NUP37: variants seen among roughly 807,000 people sequenced by gnomAD.
NUP37 encodes nucleoporin 37.
A neutral mutation model predicts 45.4 loss-of-function variants in NUP37; 33 were observed. The ratio of observed to expected loss-of-function variants is 0.73; its 90% CI spans 0.55 to 0.97. NUP37 has a LOEUF of 0.97. NUP37 is among the 50% of genes least tolerant of loss of function. NUP37 has a pLI of 0.00. For missense variants in NUP37, 365 were observed against 389.7 expected (o/e 0.94, Z 0.53); for synonymous variants, 127 against 130.7 (o/e 0.97, Z 0.19).
chr12:102,101,839 C>T lies in NUP37; in HGVS notation c.282-735G>A, dbSNP rs1040183547. 1.1e-4 allele frequency among the ~76,000 whole-genome samples: 16 copies of T among 152,114 alleles called. No individual in the cohort carries two copies. In the East Asian group the frequency reaches 2.9e-3, roughly 27 times the overall value. ...TCCCAGGTTCAAACGATTCTCCTAC[C>T]TCAGCCTCCCAAGTAGCTGGGATTA... On this transcript the variant is annotated intron_variant, in intron 3 of 9. Transcript: ENST00000552283.
At chr12:102,087,360 C>T (rs1879501191) in intron 5 of NUP37, among the ~76,000 whole-genome samples, 1 of 152,172 alleles carries the variant, frequency 6.6e-6, no homozygotes, top group Non-Finnish European at 1.5e-5. Flanking sequence ...TATTGGGTCT[C>T]TAAATGTTGA....
intron 2 of NUP37, among the ~76,000 whole-genome samples, chr12:102,116,157 T>C (rs1368515223): frequency 6.6e-6 from 1 of 152,206 alleles, no homozygotes; most frequent in African/African-American, 2.4e-5. Context: ...TTTTTTCTCA[T>C]GTTAGTCATT....
At chr12:102,087,431 AAAC>A (rs1346771569) in intron 5 of NUP37, among the ~76,000 whole-genome samples, 2 of 152,238 alleles carry the variant, frequency 1.3e-5, no homozygotes, top group African/African-American at 4.8e-5. Context: ...CTTAATGATT[AAAC>A]AATTTAGAAG....
chr12:102,097,082 A>G (rs542533647), intron 5 of NUP37, among the ~76,000 whole-genome samples: 14 of 152,290 alleles, frequency 9.2e-5, no homozygotes, highest in African/African-American at 2.9e-4. Context: ...TTCTGGGATC[A>G]GTAGCTATCT....
chr12:102,095,634 C>G (rs1462880927), intron 5 of NUP37, among the ~76,000 whole-genome samples: 1 of 152,144 alleles, frequency 6.6e-6, no homozygotes, highest in Non-Finnish European at 1.5e-5. Context: ...CATAAAGATA[C>G]ATATTTCTTC....
intron 3 of NUP37, among the ~76,000 whole-genome samples, chr12:102,101,716 A>G (rs1452998743): frequency 6.6e-6 from 1 of 152,110 alleles, no homozygotes; most frequent in Non-Finnish European, 1.5e-5. Context: ...ACAAAACCTA[A>G]GCAGCAAACA....
At chr12:102,090,007 C>T (rs1879602474) in intron 5 of NUP37, among the ~76,000 whole-genome samples, 1 of 152,132 alleles carries the variant, frequency 6.6e-6, no homozygotes, top group Non-Finnish European at 1.5e-5. Flanking sequence ...CATGGAATTG[C>T]TGGATCACAG....
intron 5 of NUP37, among the ~76,000 whole-genome samples, chr12:102,088,271 A>G (rs934364074): frequency 6.6e-6 from 1 of 152,132 alleles, no homozygotes; most frequent in Non-Finnish European, 1.5e-5. Context: ...AGCTCAGCTC[A>G]TTTTTCTGTG....
intron 5 of NUP37, among the ~76,000 whole-genome samples, chr12:102,087,679 T>C (rs964052125): frequency 1.3e-5 from 2 of 152,226 alleles, no homozygotes; most frequent in African/African-American, 4.8e-5. Flanking sequence ...ACTGAAATAG[T>C]ATGAATTTGT....
At chr12:102,094,332 A>C (rs1433540619) in intron 5 of NUP37, among the ~76,000 whole-genome samples, 1 of 152,064 alleles carries the variant, frequency 6.6e-6, no homozygotes, top group Non-Finnish European at 1.5e-5. Context: ...AAATCATGTA[A>C]ATTATCCTGA....
intron 3 of NUP37, among the ~76,000 whole-genome samples, chr12:102,105,848 C>A (rs781262711): frequency 1.5e-5 from 2 of 130,344 alleles, no homozygotes; most frequent in African/African-American, 2.9e-5. Flanking sequence ...GGTGACAGAG[C>A]GGGACTCCCT....
intron 1 of NUP37, chr12:102,119,280 G>C (rs1201558917): frequency 6.6e-6 from 1 of 152,212 alleles, no homozygotes; most frequent in Non-Finnish European, 1.5e-5. Flanking sequence ...TGGGCGGAGG[G>C]AGAGCATCAG....
At position 102,109,276 on chromosome 12, in the gene NUP37, A is replaced by G. The variant is rs139705253; in HGVS notation, c.281+2832T>C. ...GGGAGAAAGAGAATTTAAGGCAACT[A>G]CATGCTAATGATAAGCCATCATGAA... is the stretch of plus-strand genomic sequence containing the variant. On this transcript the variant is annotated intron_variant, in intron 3 of 9. Transcript: ENST00000552283. 7.9e-5 allele frequency among the ~76,000 whole-genome samples: 12 copies of G among 152,318 alleles called. No homozygotes were observed. In the East Asian group the frequency reaches 2.1e-3, roughly 27 times the overall value.
chr12:102,076,861 T>C lies in NUP37; in HGVS notation c.723-14A>G, dbSNP rs1179005661. On this transcript the variant is annotated splice_polypyrimidine_tract_variant and intron_variant, in intron 7 of 9. Coordinates refer to ENST00000552283, the MANE Select transcript of NUP37 (RefSeq NM_024057.4). ...TTTTGAGGATAACTAAAAGATAATA[T>C]TTTGCATTTTATGAATTATGTGTTA... The C allele has an allele frequency of 6.2e-7, 1 of 1,604,178 alleles. No individual in the cohort carries two copies. The highest frequency in any genetic ancestry group is 1.1e-5 in the South Asian group (1 of 90,222).
At chr12:102,105,732 G>A (rs1880127459) in intron 3 of NUP37, among the ~76,000 whole-genome samples, 1 of 151,586 alleles carries the variant, frequency 6.6e-6, no homozygotes, top group Non-Finnish European at 1.5e-5. Context: ...ATGGTGATGT[G>A]CACCTATAAT....
chr12:102,118,587 T>C lies in NUP37; in HGVS notation c.-65-4A>G, dbSNP rs982936772. On this transcript the variant is annotated splice_polypyrimidine_tract_variant and splice_region_variant and intron_variant, in intron 1 of 9. Coordinates refer to ENST00000552283, the MANE Select transcript of NUP37 (RefSeq NM_024057.4). Reference sequence around the variant, plus strand: ...TCTACTGGACAAGGTCACGAAACTGTGGATTAGAGCACAGGTACAATTACA... The same window carrying C: ...TCTACTGGACAAGGTCACGAAACTGCGGATTAGAGCACAGGTACAATTACA... 7 of 1,405,778 alleles carry C rather than the reference T, an allele frequency of 5.0e-6. No individual in the cohort carries two copies. The highest frequency in any genetic ancestry group is 6.9e-6 in the Non-Finnish European group (7 of 1,021,614). 87.1% of individuals were successfully genotyped at this position (1,405,778 alleles called of 1,614,324 possible).
chr12:102,074,641 G>A (rs1594381348), intron 9 of NUP37, 174 bp from the exon 10 acceptor site: 5 of 553,592 alleles, frequency 9.0e-6, no homozygotes. Context: ...GCTGAAACAT[G>A]GGATACAATC....
At chr12:102,093,597 A>G (rs1018053570) in intron 5 of NUP37, among the ~76,000 whole-genome samples, 1 of 152,116 alleles carries the variant, frequency 6.6e-6, no homozygotes, top group Non-Finnish European at 1.5e-5. Flanking sequence ...AACTAACATA[A>G]GCCTTAACAA....
chr12:102,074,556 T>C, intron 9 of NUP37, 89 bp from the exon 10 acceptor site: 2 of 760,342 alleles, frequency 2.6e-6, no homozygotes, highest in Non-Finnish European at 4.3e-6. Flanking sequence ...AATGCATTGA[T>C]GATTTATCTT....
Sources: allele counts gnomAD v4.1 joint callset (sites outside exome capture counted in the v4.1 genomes callset), GRCh38; gene constraint gnomAD v4.1.1; transcripts MANE v1.5; gene names NCBI Gene and HGNC (gene_info 2026-07-23, HGNC 2026-07-21).